OPRL1: variants seen among roughly 807,000 people sequenced by gnomAD.
The protein encoded by OPRL1 is opioid related nociceptin receptor 1, also known as nociceptin receptor.
A neutral mutation model predicts 15.5 loss-of-function variants in OPRL1; 5 were observed. The observed-to-expected ratio is 0.32, with a 90% CI of 0.17 to 0.68. OPRL1 has a LOEUF of 0.68. Ranked by LOEUF, OPRL1 falls within the 30% of genes least tolerant of loss-of-function variation. OPRL1 has a pLI of 0.72. For synonymous variants in OPRL1, 223 were observed against 230.2 expected (o/e 0.97, Z 0.28); for missense variants, 406 against 515.3 (o/e 0.79, Z 2.05).
At position 64,098,374 on chromosome 20, in the gene OPRL1, G is replaced by A. The variant is rs76487073; in HGVS notation, c.688G>A (p.Val230Ile). The A allele has an allele frequency of 5.0e-4, 813 of 1,613,756 alleles. 2 individuals carry two copies. In the African/African-American group the frequency reaches 5.3e-3, roughly 11 times the overall value. Reference protein sequence around the residue: ...FLFSFIVPVLVISVCYSLMIR... With the variant: ...FLFSFIVPVLIISVCYSLMIR... The stretch of plus-strand genomic sequence containing the variant: ...CTTCTCCTTCATCGTCCCCGTGCTC[G>A]TCATCTCTGTCTGCTACAGCCTCAT... Residue 230 changes from valine (V) to isoleucine (I), a missense_variant, in exon 5 of 5, where the codon GTC becomes ATC. By Grantham distance (29) the Val-to-Ile change is conservative. Coordinates refer to ENST00000336866, the MANE Select transcript of OPRL1 (RefSeq NM_182647.4).
chr20:64,085,884 A>G (rs1176259662), intron 1 of OPRL1, among the ~76,000 whole-genome samples: 1 of 152,086 alleles, frequency 6.6e-6, no homozygotes, highest in African/African-American at 2.4e-5. Flanking sequence ...ATTCAGCCCT[A>G]TGTCCCAGAG....
At position 64,098,539 on chromosome 20, in the gene OPRL1, G is replaced by C; in HGVS notation, c.853G>C (p.Ala285Pro). 3.1e-6 allele frequency: 5 copies of C among 1,612,812 alleles called. No individual in the cohort carries two copies. The highest frequency in any genetic ancestry group is 4.2e-6 in the Non-Finnish European group (5 of 1,179,998). Residue 285 changes from alanine (A) to proline (P), a missense_variant, in exon 5 of 5, where the codon GCC becomes CCC. Physicochemically the swap from Ala to Pro is conservative, Grantham distance 27. Coordinates refer to ENST00000336866, the MANE Select transcript of OPRL1 (RefSeq NM_182647.4). ...GACGCCTGTCCAGGTCTTCGTGCTG[G>C]CCCAAGGGCTGGGGGTTCAGCCGAG... is the stretch of plus-strand genomic sequence containing the variant. ...CWTPVQVFVL[A>P]QGLGVQPSSE...
chr20:64,098,639 T>G lies in OPRL1; in HGVS notation c.953T>G (p.Leu318Arg), dbSNP rs1979490380. ...GTCAACAGCTGCCTCAACCCCATCC[T>G]CTACGCCTTCCTGGATGAGAACTTC... ...GYVNSCLNPILYAFLDENFKA... is the reference protein window; with the variant it reads ...GYVNSCLNPIRYAFLDENFKA... The change falls in exon 5 of 5, where the codon CTC (leucine) becomes CGC (arginine). Residue 318 changes from leucine (L) to arginine (R), a missense_variant. Coordinates refer to ENST00000336866, the MANE Select transcript of OPRL1 (RefSeq NM_182647.4). 6.2e-7 allele frequency: 1 copy of G among 1,612,974 alleles called. No individual in the cohort carries two copies. Among genetic ancestry groups the G allele is most frequent in the Non-Finnish European group, 8.5e-7 (1 of 1,179,972 alleles).
intron 2 of OPRL1, among the ~76,000 whole-genome samples, chr20:64,092,334 G>T (rs574574983): frequency 1.3e-5 from 2 of 152,152 alleles, no homozygotes; most frequent in Non-Finnish European, 2.9e-5. Flanking sequence ...GTGAACACGC[G>T]AGTGGCTGTG....
Position 64,083,901 on chromosome 20 carries a change from G to A in OPRL1, c.-185+3549G>A. The stretch of plus-strand genomic sequence containing the variant: ...TTGAGGACGCCGAGGAGCCGGTTCT[G>A]GCGCTCGGCGGGCAGCTCGAGCGAC... On this transcript the variant is annotated intron_variant, in intron 1 of 4. Coordinates refer to ENST00000336866, the MANE Select transcript of OPRL1 (RefSeq NM_182647.4). This position sits in a 1 kb window ranked among gnomAD's most constrained non-coding sequence, Gnocchi z 4.9. 6.9e-7 allele frequency: 1 copy of A among 1,446,044 alleles called. No homozygotes were observed. The allele number at this position is 1,446,044 out of a possible 1,614,324, so 89.6% of individuals were successfully genotyped here. A position where few individuals can be genotyped will look rare whatever the true frequency, so the allele number is the denominator to read the frequency against.
chr20:64,085,191 G>A (rs1398024976), intron 1 of OPRL1: 2 of 152,388 alleles, frequency 1.3e-5, no homozygotes, highest in East Asian at 3.8e-4. Context: ...CCATCCTAGG[G>A]GTTGTGGGCC....
At chr20:64,084,157 C>A (rs746750551) in intron 1 of OPRL1, 75 of 1,454,294 alleles carry the variant, frequency 5.2e-5, no homozygotes, top group Non-Finnish European at 6.7e-5. Flanking sequence ...CCGTGCCTGG[C>A]GCGCTCTTCC....
intron 1 of OPRL1, among the ~76,000 whole-genome samples, chr20:64,088,597 GGGT>G (rs2060078632): frequency 2.2e-5 from 1 of 46,414 alleles, no homozygotes; most frequent in Non-Finnish European, 4.9e-5. Context: ...TCTGTGCAAG[GGGT>G]AGGATCTGTG....
In OPRL1 at chr20:64,098,379, C is replaced by A. The variant is rs1404864760; in HGVS notation, c.693C>A (p.Ile231=). Residue 231 remains isoleucine, a synonymous_variant, in exon 5 of 5, where the codon ATC becomes ATA. Transcript: ENST00000336866. ...CCTTCATCGTCCCCGTGCTCGTCATCTCTGTCTGCTACAGCCTCATGATCC... is the reference window on the plus strand; with the variant it reads ...CCTTCATCGTCCCCGTGCTCGTCATATCTGTCTGCTACAGCCTCATGATCC... ...LFSFIVPVLV[I]SVCYSLMIRR... is the part of the protein sequence containing the mutation. 1 of 1,613,894 alleles carries A rather than the reference C, an allele frequency of 6.2e-7. No individual in the cohort carries two copies. The highest frequency in any genetic ancestry group is 1.1e-5 in the South Asian group (1 of 91,090).
chr20:64,088,181 C>T (rs1402448198), intron 1 of OPRL1, among the ~76,000 whole-genome samples: 1 of 152,228 alleles, frequency 6.6e-6, no homozygotes, highest in Non-Finnish European at 1.5e-5. Flanking sequence ...GTTCCCAGGG[C>T]TGGGGGTCCT....
chr20:64,096,830 TCATCATCATGACCATCAC>T (rs1979181753), intron 3 of OPRL1, among the ~76,000 whole-genome samples: 2 of 38,980 alleles, frequency 5.1e-5, no homozygotes, highest in African/African-American at 9.6e-5. Context: ...ATCATCACCA[TCATCATCATGACCATCAC>T]CACCATCACC....
chr20:64,091,794 T>G (rs935620313), intron 1 of OPRL1, among the ~76,000 whole-genome samples, 172 bp from the exon 2 acceptor site: 2 of 132,154 alleles, frequency 1.5e-5, no homozygotes, highest in Non-Finnish European at 3.2e-5. Flanking sequence ...GGTCTGTGGG[T>G]CTGAGCCTCC....
rs537311055 is a variant in OPRL1 at position 64,098,972 on chromosome 20, C to A, written c.*173C>A. The A allele has an allele frequency of 6.8e-6, 6 of 876,732 alleles. No homozygotes were observed. The Admixed American group carries it at 1.5e-4, about 21-fold the overall frequency. The allele number at this position is 876,732 out of a possible 1,614,324, so 54.3% of individuals were successfully genotyped here. A position where few individuals can be genotyped will look rare whatever the true frequency, so the allele number is the denominator to read the frequency against. On this transcript the variant is annotated 3_prime_UTR_variant, in exon 5 of 5. Transcript: ENST00000336866. ...GGGATGCTCGGTCCCAGAGGAGGACCTAGTGACATCATGGGACAGGTCAAA... is the reference window on the plus strand; with the variant it reads ...GGGATGCTCGGTCCCAGAGGAGGACATAGTGACATCATGGGACAGGTCAAA...
At chr20:64,088,825 T>C (rs74668819) in intron 1 of OPRL1, among the ~76,000 whole-genome samples, 24 of 27,396 alleles carry the variant, frequency 8.8e-4, no homozygotes, top group East Asian at 2.4e-3. Context: ...GGCCAGGATC[T>C]GTGCAGGGAG....
intron 2 of OPRL1, 51 bp from the exon 3 acceptor site, chr20:64,092,637 G>A (rs1003356090): frequency 6.9e-6 from 10 of 1,444,148 alleles, no homozygotes; most frequent in East Asian, 2.3e-5. Context: ...TGAGGCCTCC[G>A]CTGGGCGTGT....
chr20:64,098,167 G>A lies in OPRL1; in HGVS notation c.589+10G>A. On this transcript the variant is annotated intron_variant, in intron 4 of 4. Transcript: ENST00000336866. ...CAGGTCGAGGATGAAGGTCAGTGGG[G>A]TGTCCCCTCCTCCCCTCACCAGGCT... is the stretch of plus-strand genomic sequence containing the variant. 1.2e-6 allele frequency: 2 copies of A among 1,610,668 alleles called. No homozygotes were observed. The highest frequency in any genetic ancestry group is 2.7e-5 in the African/African-American group (2 of 75,012).
At chr20:64,091,870 T>G (rs2060121278) in intron 1 of OPRL1, 96 bp from the exon 2 acceptor site, 1 of 152,512 alleles carries the variant, frequency 6.6e-6, no homozygotes, top group Non-Finnish European at 1.5e-5. Flanking sequence ...GGCGCAGCCC[T>G]GGGTGCGGTG....
chr20:64,098,821 G>A lies in OPRL1; in HGVS notation c.*22G>A. On this transcript the variant is annotated 3_prime_UTR_variant, in exon 5 of 5. Coordinates refer to ENST00000336866, the MANE Select transcript of OPRL1 (RefSeq NM_182647.4). ...ATGACTAGGCGTGGACCTGCCCATG[G>A]TGCCTGTCAGCCCGCAGAGCCCATC... 6.4e-7 allele frequency: 1 copy of A among 1,567,994 alleles called. No individual in the cohort carries two copies. Among genetic ancestry groups the A allele is most frequent in the East Asian group, 2.2e-5 (1 of 44,598 alleles).
At chr20:64,092,602 C>T (rs2060131038) in intron 2 of OPRL1, 86 bp from the exon 3 acceptor site, 2 of 1,030,944 alleles carry the variant, frequency 1.9e-6, no homozygotes, top group South Asian at 1.6e-5. Context: ...GTCCATGTGC[C>T]TGCTGGGCTG....
Sources: allele counts gnomAD v4.1 joint callset (sites outside exome capture counted in the v4.1 genomes callset), GRCh38; gene constraint gnomAD v4.1.1; non-coding constraint Gnocchi (gnomAD v3.1); transcripts MANE v1.5; gene names NCBI Gene and HGNC (gene_info 2026-07-23, HGNC 2026-07-21).